ANTXR1: variants seen among roughly 807,000 people sequenced by gnomAD.
ANTXR1 encodes the protein anthrax toxin receptor 1.
ANTXR1 carries 19 observed loss-of-function variants against 78.1 expected under a neutral mutation model. The observed-to-expected ratio is 0.24, with a 90% CI of 0.17 to 0.36. ANTXR1 has a LOEUF of 0.36. Ranked by LOEUF, ANTXR1 falls within the 10% of genes least tolerant of loss-of-function variation. The pLI, the probability that ANTXR1 is intolerant of heterozygous loss-of-function variation, is 1.00. For synonymous variants in ANTXR1, 273 were observed against 260.5 expected, an observed-to-expected ratio of 1.05 and a Z score of -0.46; for missense variants, 518 against 718.6, an observed-to-expected ratio of 0.72 and a Z score of 3.19.
At chr2:69,227,609 A>G (rs1344540859) in intron 17 of ANTXR1, among the ~76,000 whole-genome samples, 1 of 152,140 alleles carries the variant, frequency 6.6e-6, no homozygotes, top group Non-Finnish European at 1.5e-5. Context: ...CCCCTCTCAC[A>G]TATAACTCTC....
intron 12 of ANTXR1, among the ~76,000 whole-genome samples, chr2:69,138,841 T>C (rs1170173614): frequency 8.5e-5 from 13 of 152,224 alleles, no homozygotes; most frequent in Admixed American, 7.9e-4. Context: ...GAAAACTGTT[T>C]CATTTGCAGG....
intron 1 of ANTXR1, among the ~76,000 whole-genome samples, chr2:69,031,852 C>T (rs1671537775): frequency 1.3e-5 from 2 of 152,168 alleles, no homozygotes; most frequent in African/African-American, 4.8e-5. Context: ...TAACTTTTTC[C>T]CCTTTTCTGC....
intron 13 of ANTXR1, among the ~76,000 whole-genome samples, chr2:69,158,305 C>T (rs1673581139): frequency 6.6e-6 from 1 of 152,194 alleles, no homozygotes; most frequent in Non-Finnish European, 1.5e-5. Context: ...ATTATTTCCT[C>T]TTGCTGAAAT....
intron 17 of ANTXR1, among the ~76,000 whole-genome samples, chr2:69,234,172 T>TCC (rs1675696818): frequency 6.6e-6 from 1 of 152,236 alleles, no homozygotes; most frequent in African/African-American, 2.4e-5. Flanking sequence ...AGATCAATAT[T>TCC]ACAATATGTT....
intron 12 of ANTXR1, among the ~76,000 whole-genome samples, chr2:69,147,213 T>A (rs944562851): frequency 2.6e-5 from 4 of 152,260 alleles, no homozygotes; most frequent in Admixed American, 2.6e-4. Flanking sequence ...CTGAGTGTCT[T>A]CATCTTGGAA....
At chr2:69,170,367 C>G in intron 14 of ANTXR1, 78 bp downstream of exon 14, 1 of 1,524,454 alleles carries the variant, frequency 6.6e-7, no homozygotes, top group East Asian at 2.3e-5. Flanking sequence ...CAGCTGGACA[C>G]TTAGCCCCCT....
Position 69,128,813 on chromosome 2 carries a change from C to T in ANTXR1, c.951+4170C>T, listed in dbSNP as rs11893520. ...AAGTGATCCCCTGGGTCTGAGTAAA[C>T]GGATATTGTCAATGCCAGTCACAGC... On this transcript the variant is annotated intron_variant, in intron 12 of 17. Coordinates refer to ENST00000303714, the MANE Select transcript of ANTXR1 (RefSeq NM_032208.3). Among the ~76,000 whole-genome samples the T allele has an allele frequency of 3.4e-3, 517 of 152,294 alleles. 1 individual carries two copies. Among genetic ancestry groups the T allele is most frequent in the African/African-American group, 0.012 (479 of 41,562 alleles).
At chr2:69,130,440 CTG>C (rs1672705401) in intron 12 of ANTXR1, among the ~76,000 whole-genome samples, 1 of 152,186 alleles carries the variant, frequency 6.6e-6, no homozygotes, top group South Asian at 2.1e-4. Context: ...ATTCAACAAA[CTG>C]AGACCTGAAA....
In ANTXR1 at chr2:69,245,299, C is replaced by G. The variant is rs763313564; in HGVS notation, c.1509C>G (p.Thr503=). The change falls in exon 18 of 18, where the codon ACC becomes ACG. Residue 503 remains threonine (T), a synonymous_variant. Transcript: ENST00000303714. ...ACCCACTCAACAACGCCTACCACAC[C>G]TCCTCGCCGCCTCCTGCCCCCATCT... ...AKYPLNNAYH[T]SSPPPAPIYT... is the part of the protein sequence containing the mutation. 1 of 1,612,494 alleles carries G rather than the reference C, an allele frequency of 6.2e-7. No homozygotes were observed. Among genetic ancestry groups the G allele is most frequent in the South Asian group, 1.1e-5 (1 of 90,946 alleles).
chr2:69,046,257 C>T (rs2104097628), intron 3 of ANTXR1, among the ~76,000 whole-genome samples: 1 of 152,300 alleles, frequency 6.6e-6, no homozygotes, highest in South Asian at 2.1e-4. Context: ...GTTCACACAT[C>T]ACTTGCAGGT....
chr2:69,020,572 G>A (rs1671155569), intron 1 of ANTXR1, among the ~76,000 whole-genome samples: 1 of 152,106 alleles, frequency 6.6e-6, no homozygotes, highest in Admixed American at 6.5e-5. Flanking sequence ...GATTCCTAGT[G>A]GTCCAGAAAC....
chr2:69,144,560 C>A (rs558665538), intron 12 of ANTXR1, among the ~76,000 whole-genome samples: 1 of 152,306 alleles, frequency 6.6e-6, no homozygotes, highest in African/African-American at 2.4e-5. Flanking sequence ...CCAGGTGCCC[C>A]GTGGAGGGGA....
chr2:69,084,747 TAAA>T (rs1441328265), intron 8 of ANTXR1, among the ~76,000 whole-genome samples: 1 of 151,970 alleles, frequency 6.6e-6, no homozygotes. Flanking sequence ...CATTTTTATT[TAAA>T]GTCAGATTCT....
chr2:69,078,942 A>G (rs995038974), intron 8 of ANTXR1, among the ~76,000 whole-genome samples: 6 of 152,118 alleles, frequency 3.9e-5, no homozygotes, highest in African/African-American at 1.4e-4. Flanking sequence ...AGGGATCCAT[A>G]TATTTCAAAT....
Position 69,013,438 on chromosome 2 carries a change from G to A in ANTXR1, c.-62G>A. ...GGCCCGCGGATGGCGCGTCCCTGAG[G>A]GTCGTGGCGAGTTCGCGGAGCGTGG... On this transcript the variant is annotated 5_prime_UTR_variant, in exon 1 of 18. Transcript: ENST00000303714. This position sits in a 1 kb window ranked among gnomAD's most constrained non-coding sequence, Gnocchi z 5.0. 6.4e-7 allele frequency: 1 copy of A among 1,568,784 alleles called. No individual in the cohort carries two copies. The highest frequency in any genetic ancestry group is 8.6e-7 in the Non-Finnish European group (1 of 1,158,136).
intron 3 of ANTXR1, among the ~76,000 whole-genome samples, chr2:69,068,353 C>T (rs1670465245): frequency 6.6e-6 from 1 of 152,020 alleles, no homozygotes; most frequent in Admixed American, 6.6e-5. Context: ...TGTGGGGTAC[C>T]AGGAAAAAGT....
intron 1 of ANTXR1, among the ~76,000 whole-genome samples, chr2:69,033,074 T>C (rs899459633): frequency 1.3e-5 from 2 of 152,176 alleles, no homozygotes; most frequent in Non-Finnish European, 2.9e-5. Context: ...TCCATAGGCA[T>C]CAGTTAGATA....
chr2:69,068,779 A>G (rs1265641661), intron 3 of ANTXR1, among the ~76,000 whole-genome samples: 1 of 152,262 alleles, frequency 6.6e-6, no homozygotes, highest in East Asian at 1.9e-4. Flanking sequence ...AGGGGGCAAG[A>G]GGCCATTCAA....
At chr2:69,079,478 T>C (rs894618118) in intron 8 of ANTXR1, among the ~76,000 whole-genome samples, 1 of 151,698 alleles carries the variant, frequency 6.6e-6, no homozygotes, top group African/African-American at 2.4e-5. Flanking sequence ...GACCTCAACC[T>C]AGAGGCTGGA....
Sources: gnomAD v4.1 joint callset for allele counts (sites outside exome capture counted in the v4.1 genomes callset) on GRCh38, gnomAD v4.1.1 for gene constraint, Gnocchi (gnomAD v3.1) non-coding constraint, MANE v1.5 for transcripts, NCBI Gene and HGNC (gene_info 2026-07-23, HGNC 2026-07-21) for gene names.